Variants in TMEM132D observed in about 807,000 individuals in gnomAD.
TMEM132D encodes the protein mature OL transmembrane protein.
TMEM132D carries 21 observed loss-of-function variants against 62.3 expected under a neutral mutation model. The ratio of observed to expected loss-of-function variants is 0.34; its 90% CI spans 0.24 to 0.49. The LOEUF (loss-of-function observed/expected upper bound fraction) is 0.49, where lower values mean the gene tolerates loss of function less well. Among genes scored for constraint, TMEM132D ranks in the 20% least tolerant of loss-of-function variants. The pLI is 0.99. For missense variants in TMEM132D, 1,346 were observed against 1,402.8 expected, an observed-to-expected ratio of 0.96 and a Z score of 0.65; for synonymous variants, 621 against 575.6, an observed-to-expected ratio of 1.08 and a Z score of -1.13.
intron 1 of TMEM132D, among the ~76,000 whole-genome samples, chr12:129,801,147 C>A (rs941079838): frequency 6.6e-6 from 1 of 152,194 alleles, no homozygotes; most frequent in African/African-American, 2.4e-5. Flanking sequence ...GAGGGGCGCC[C>A]GCCATTGCCC....
intron 3 of TMEM132D, among the ~76,000 whole-genome samples, chr12:129,489,628 C>A (rs1874700788): frequency 6.6e-6 from 1 of 152,136 alleles, no homozygotes; most frequent in Non-Finnish European, 1.5e-5. Flanking sequence ...CCTGAGAGAC[C>A]ATTTGAGGAA....
At chr12:129,735,229 A>G (rs935076533) in intron 1 of TMEM132D, among the ~76,000 whole-genome samples, 2 of 152,208 alleles carry the variant, frequency 1.3e-5, no homozygotes, top group Non-Finnish European at 2.9e-5. Context: ...TGCTTACTTA[A>G]TGATCTGGGA....
At chr12:129,146,083 T>A (rs890932393) in intron 5 of TMEM132D, among the ~76,000 whole-genome samples, 2 of 152,184 alleles carry the variant, frequency 1.3e-5, no homozygotes, top group Non-Finnish European at 2.9e-5. Context: ...GATCTTTTTT[T>A]TTTTTCTCTC....
intron 5 of TMEM132D, among the ~76,000 whole-genome samples, chr12:129,148,252 T>C (rs1249414028): frequency 1.3e-5 from 2 of 152,190 alleles, no homozygotes; most frequent in South Asian, 2.1e-4. Context: ...TAGCCCCATG[T>C]GGGTGGCAGA....
chr12:129,697,254 A>T (rs1881230935), intron 2 of TMEM132D, among the ~76,000 whole-genome samples: 3 of 152,262 alleles, frequency 2.0e-5, no homozygotes, highest in Non-Finnish European at 4.4e-5. Flanking sequence ...AGGGTTATTT[A>T]TAGCAGATGG....
At chr12:129,263,522 CAT>C (rs2135596538) in intron 4 of TMEM132D, among the ~76,000 whole-genome samples, 1 of 152,144 alleles carries the variant, frequency 6.6e-6, no homozygotes, top group South Asian at 2.1e-4. Flanking sequence ...TGCTCTTGAC[CAT>C]ATATGGAGGG....
chr12:129,353,960 C>T (rs1869954004), intron 3 of TMEM132D, among the ~76,000 whole-genome samples: 4 of 152,028 alleles, frequency 2.6e-5, no homozygotes, highest in Admixed American at 2.6e-4. Context: ...TTCTCATTCC[C>T]CAATAATGCT....
chr12:129,661,048 C>T (rs1036951880), intron 2 of TMEM132D, among the ~76,000 whole-genome samples: 1 of 152,208 alleles, frequency 6.6e-6, no homozygotes, highest in Non-Finnish European at 1.5e-5. Flanking sequence ...TAAGCCACTC[C>T]CCTGGTAAAC....
intron 1 of TMEM132D, among the ~76,000 whole-genome samples, chr12:129,797,604 CTG>C (rs2137303478): frequency 6.6e-6 from 1 of 152,262 alleles, no homozygotes; most frequent in South Asian, 2.1e-4. Flanking sequence ...ATGAGAGACC[CTG>C]TGTGTGTCGT....
At chr12:129,139,927 G>A (rs995420907) in intron 5 of TMEM132D, among the ~76,000 whole-genome samples, 5 of 151,884 alleles carry the variant, frequency 3.3e-5, no homozygotes, top group African/African-American at 7.3e-5. Flanking sequence ...TGTTGCCCAG[G>A]CTGGTCTTGA....
chr12:129,748,955 T>C (rs1331533533), intron 1 of TMEM132D, among the ~76,000 whole-genome samples: 2 of 152,212 alleles, frequency 1.3e-5, no homozygotes, highest in African/African-American at 2.4e-5. Context: ...TTCATTTGTG[T>C]TCAGGACCTC....
intron 3 of TMEM132D, among the ~76,000 whole-genome samples, chr12:129,431,622 G>C (rs1440335706): frequency 6.6e-6 from 1 of 152,178 alleles, no homozygotes; most frequent in African/African-American, 2.4e-5. Context: ...ACAGCCGCCT[G>C]CTCATGCTGC....
chr12:129,481,286 C>A (rs139352730), intron 3 of TMEM132D, among the ~76,000 whole-genome samples: 224 of 151,982 alleles, frequency 1.5e-3, no homozygotes, highest in Middle Eastern at 3.4e-3. Flanking sequence ...AAGTGGGTAG[C>A]ATTGTCTCTA....
chr12:129,506,789 A>T (rs1191202221), intron 3 of TMEM132D, among the ~76,000 whole-genome samples: 1 of 152,256 alleles, frequency 6.6e-6, no homozygotes, highest in African/African-American at 2.4e-5. Flanking sequence ...TCTTCTAGAC[A>T]TTGGCTTAGG....
chr12:129,250,089 AAATGGAGACATCAAGGAGACAGC>A (rs1159343233), intron 4 of TMEM132D, among the ~76,000 whole-genome samples: 1 of 152,104 alleles, frequency 6.6e-6, no homozygotes, highest in Non-Finnish European at 1.5e-5. Context: ...CAGATGCCCC[AAATGGAGACATCAAGGAGACAGC>A]AATGGAGACG....
At chr12:129,216,074 C>T (rs1199351227) in intron 4 of TMEM132D, among the ~76,000 whole-genome samples, 2 of 152,136 alleles carry the variant, frequency 1.3e-5, no homozygotes, top group South Asian at 2.1e-4. Context: ...AGACTGCCTG[C>T]GTTTGAATCC....
chr12:129,722,310 G>A (rs1868863818), intron 1 of TMEM132D, among the ~76,000 whole-genome samples: 1 of 150,068 alleles, frequency 6.7e-6, no homozygotes, highest in Non-Finnish European at 1.5e-5. Flanking sequence ...CTGTGCCTCT[G>A]GTACAAGTCG....
At position 129,807,526 on chromosome 12, in the gene TMEM132D, T is replaced by C. The variant is rs184545068; in HGVS notation, c.79+95735A>G. Among the ~76,000 whole-genome samples, 3 of 152,378 alleles carry C rather than the reference T, an allele frequency of 2.0e-5. No homozygotes were observed. The East Asian group carries it at 5.8e-4, about 29-fold the overall frequency. ...TGTTCCTTATCCACTGGCCACATGC[T>C]GTAGTTCTCCTCTCTCTAAGATGCT... On this transcript the variant is annotated intron_variant, in intron 1 of 8. Coordinates refer to ENST00000422113, the MANE Select transcript of TMEM132D (RefSeq NM_133448.3).
At chr12:129,342,140 A>G (rs1356377098) in intron 3 of TMEM132D, among the ~76,000 whole-genome samples, 3 of 152,198 alleles carry the variant, frequency 2.0e-5, no homozygotes, top group Non-Finnish European at 2.9e-5. Context: ...CCAAAAGAAC[A>G]AAGCTGGAGG....
Sources: gnomAD v4.1 joint callset for allele counts (sites outside exome capture counted in the v4.1 genomes callset) on GRCh38, gnomAD v4.1.1 for gene constraint, MANE v1.5 for transcripts, NCBI Gene and HGNC (gene_info 2026-07-23, HGNC 2026-07-21) for gene names.